Variants in GALNT10 observed in about 807,000 individuals in gnomAD.
The protein encoded by GALNT10 is polypeptide N-acetylgalactosaminyltransferase 10.
A neutral mutation model predicts 75.0 loss-of-function variants in GALNT10; 41 were observed. The observed-to-expected ratio is 0.55, with a 90% CI of 0.43 to 0.71. The LOEUF is 0.71. Ranked by LOEUF, GALNT10 falls within the 30% of genes least tolerant of loss-of-function variation. GALNT10 has a pLI of 0.00. For synonymous variants in GALNT10, 302 were observed against 313.0 expected (o/e 0.96, Z 0.37); for missense variants, 727 against 818.5 (o/e 0.89, Z 1.36).
intron 1 of GALNT10, among the ~76,000 whole-genome samples, chr5:154,293,613 A>ATATTTTTTTTTTTTTTTTTTTTT: frequency 2.7e-5 from 3 of 109,358 alleles, no homozygotes; most frequent in Non-Finnish European, 3.8e-5. Flanking sequence ...ATATATATAT[A>ATATTTTTTTTTTTTTTTTTTTTT]TTTTTTTTTT....
At chr5:154,316,262 A>G (rs545707334) in intron 3 of GALNT10, among the ~76,000 whole-genome samples, 28 of 152,346 alleles carry the variant, frequency 1.8e-4, no homozygotes, top group Non-Finnish European at 2.1e-4. Flanking sequence ...ATTTACATCC[A>G]GGGTCTCCAA....
chr5:154,228,931 T>G (rs1360458714), intron 1 of GALNT10, among the ~76,000 whole-genome samples: 1 of 152,270 alleles, frequency 6.6e-6, no homozygotes, highest in Non-Finnish European at 1.5e-5. Context: ...AGTTTGTCCA[T>G]GCGTTTTAAA....
intron 1 of GALNT10, among the ~76,000 whole-genome samples, chr5:154,271,903 T>A (rs1018023665): frequency 6.6e-6 from 1 of 152,222 alleles, no homozygotes; most frequent in African/African-American, 2.4e-5. Context: ...TGCATAATTT[T>A]TTAAAGCATG....
intron 5 of GALNT10, among the ~76,000 whole-genome samples, chr5:154,379,615 AAAG>A (rs1329847616): frequency 2.4e-4 from 37 of 152,352 alleles, no homozygotes; most frequent in Admixed American, 1.8e-3. Flanking sequence ...TTCTTGGCAC[AAAG>A]AAGAAGGGCA....
At chr5:154,405,342 T>C (rs3776991) in intron 8 of GALNT10, among the ~76,000 whole-genome samples, 102,415 of 152,066 alleles carry the variant, frequency 0.67, 35,743 homozygotes, top group East Asian at 0.86. Context: ...CTCCGGGAAG[T>C]GTCAGGGGCC....
Position 154,352,288 on chromosome 5 carries a change from C to T in GALNT10, c.568+22550C>T, listed in dbSNP as rs559102635. ...ACTCTTCCACACCCCAAACTCAACACGGCCCACTGGTGGGAATAACTGAGT... is the reference window on the plus strand; with the variant it reads ...ACTCTTCCACACCCCAAACTCAACATGGCCCACTGGTGGGAATAACTGAGT... On this transcript the variant is annotated intron_variant, in intron 4 of 11. Coordinates refer to ENST00000297107, the MANE Select transcript of GALNT10 (RefSeq NM_198321.4). The surrounding 1 kb of genome is among the most constrained non-coding windows in gnomAD (Gnocchi z 4.4). Among the ~76,000 whole-genome samples the T allele has an allele frequency of 1.3e-5, 2 of 152,326 alleles. No homozygotes were observed. The highest frequency in any genetic ancestry group is 1.9e-4 in the East Asian group (1 of 5,190).
chr5:154,247,663 G>T (rs1753449986), intron 1 of GALNT10, among the ~76,000 whole-genome samples: 1 of 152,202 alleles, frequency 6.6e-6, no homozygotes, highest in Non-Finnish European at 1.5e-5. Context: ...CATTGATTTT[G>T]TATCCTGAGA....
At chr5:154,272,831 G>T (rs536989963) in intron 1 of GALNT10, among the ~76,000 whole-genome samples, 1 of 152,160 alleles carries the variant, frequency 6.6e-6, no homozygotes, top group Non-Finnish European at 1.5e-5. Context: ...GGCTCGGAGT[G>T]CTCTGTCTTA....
chr5:154,278,212 T>G lies in GALNT10; in HGVS notation c.160-16604T>G, dbSNP rs1467308530. On this transcript the variant is annotated intron_variant, in intron 1 of 11. Coordinates refer to ENST00000297107, the MANE Select transcript of GALNT10 (RefSeq NM_198321.4). ...GAGCTTTTTTAAAACAAAACAAAACTGGATTGCACACTGCCAAGGGGAAGA... is the reference window on the plus strand; with the variant it reads ...GAGCTTTTTTAAAACAAAACAAAACGGGATTGCACACTGCCAAGGGGAAGA... Among the ~76,000 whole-genome samples, 4 of 152,120 alleles carry G rather than the reference T, an allele frequency of 2.6e-5. No individual in the cohort carries two copies. The East Asian group carries it at 7.7e-4, about 29-fold the overall frequency.
In GALNT10 at chr5:154,409,292, G is replaced by A. The variant is rs781153911; in HGVS notation, c.1165-249G>A. Among the ~76,000 whole-genome samples the A allele has an allele frequency of 3.3e-5, 5 of 152,218 alleles. No individual in the cohort carries two copies. Among genetic ancestry groups the A allele is most frequent in the Admixed American group, 6.5e-5 (1 of 15,282 alleles). ...AAATCAGTGGGGGCTATCGCTAGAA[G>A]AAGATGGGATGGAAGATGGGCAGGC... is the stretch of plus-strand genomic sequence containing the variant. On this transcript the variant is annotated intron_variant, in intron 8 of 11. Coordinates refer to ENST00000297107, the MANE Select transcript of GALNT10 (RefSeq NM_198321.4). This position sits in a 1 kb window ranked among gnomAD's most constrained non-coding sequence, Gnocchi z 4.5.
intron 1 of GALNT10, among the ~76,000 whole-genome samples, chr5:154,232,148 C>T (rs775917091): frequency 1.8e-4 from 28 of 152,220 alleles, no homozygotes; most frequent in South Asian, 2.1e-4. Context: ...AAGTTGAAAG[C>T]CACCCCACAG....
At chr5:154,327,494 AC>A (rs1322780800) in intron 3 of GALNT10, among the ~76,000 whole-genome samples, 1 of 152,216 alleles carries the variant, frequency 6.6e-6, no homozygotes, top group Non-Finnish European at 1.5e-5. Context: ...TCAGGAACCA[AC>A]CTGAGAAGAC....
intron 7 of GALNT10, among the ~76,000 whole-genome samples, chr5:154,403,257 A>C (rs1052890291): frequency 1.3e-5 from 2 of 152,198 alleles, no homozygotes; most frequent in African/African-American, 4.8e-5. Context: ...GCCAGGATTC[A>C]AACCCAGGCC....
intron 7 of GALNT10, among the ~76,000 whole-genome samples, chr5:154,397,924 A>G (rs1756082086): frequency 6.6e-6 from 1 of 152,172 alleles, no homozygotes. Context: ...TGTTTTCCCA[A>G]TGCACATCAC....
chr5:154,395,824 C>G (rs373774755), intron 7 of GALNT10, among the ~76,000 whole-genome samples: 3 of 152,162 alleles, frequency 2.0e-5, no homozygotes, highest in African/African-American at 7.2e-5. Context: ...GAACCCTGGA[C>G]GAGCAGCATT....
At chr5:154,219,838 T>TCTCACACACACA (rs1491445463) in intron 1 of GALNT10, among the ~76,000 whole-genome samples, 3 of 125,666 alleles carry the variant, frequency 2.4e-5, no homozygotes, top group Admixed American at 8.1e-5. Context: ...TCTCTCTCTC[T>TCTCACACACACA]CACACACACA....
chr5:154,355,512 C>G (rs1039542031), intron 4 of GALNT10, among the ~76,000 whole-genome samples: 1 of 152,218 alleles, frequency 6.6e-6, no homozygotes, highest in Non-Finnish European at 1.5e-5. Flanking sequence ...AAGGAAGGGC[C>G]AGGGCCAGGT....
intron 4 of GALNT10, among the ~76,000 whole-genome samples, chr5:154,360,426 G>A (rs1372440689): frequency 6.8e-6 from 1 of 147,918 alleles, no homozygotes; most frequent in African/African-American, 2.5e-5. Context: ...ATTCCAGCCT[G>A]GGTGACAAGA....
intron 4 of GALNT10, among the ~76,000 whole-genome samples, chr5:154,365,289 T>C (rs1048176020): frequency 1.3e-5 from 2 of 152,202 alleles, no homozygotes; most frequent in African/African-American, 2.4e-5. Flanking sequence ...TAGGTTAATT[T>C]GTAGCGTGAT....
Sources: gnomAD v4.1 joint callset for allele counts (sites outside exome capture counted in the v4.1 genomes callset) on GRCh38, gnomAD v4.1.1 for gene constraint, Gnocchi (gnomAD v3.1) non-coding constraint, MANE v1.5 for transcripts, NCBI Gene and HGNC (gene_info 2026-07-23, HGNC 2026-07-21) for gene names.